Variants in ASXL1 observed in about 807,000 individuals in gnomAD.
ASXL1 encodes ASXL transcriptional regulator 1.
Under a neutral mutation model 89.1 loss-of-function variants are expected in ASXL1, and 65 were observed. The ratio of observed to expected loss-of-function variants is 0.73; its 90% CI spans 0.60 to 0.90. The LOEUF (loss-of-function observed/expected upper bound fraction) is 0.90, where lower values mean the gene tolerates loss of function less well. Among genes scored for constraint, ASXL1 ranks in the 40% least tolerant of loss-of-function variants. The probability of loss-of-function intolerance (pLI) is 0.00; values close to 1 mark genes in which losing one functional copy is unlikely to be tolerated. For missense variants in ASXL1, 1,786 were observed against 1,942.9 expected (o/e 0.92, Z 1.52); for synonymous variants, 739 against 746.9 (o/e 0.99, Z 0.17).
At chr20:32,428,962 G>T (rs553711478) in intron 6 of ASXL1, 1 of 349,744 alleles carries the variant, frequency 2.9e-6, no homozygotes, top group Non-Finnish European at 5.6e-6. Context: ...TGCCTAGCCT[G>T]ATTCTGTTCA....
intron 3 of ASXL1, 109 bp from the exon 4 acceptor site, chr20:32,368,906 T>A (rs942748785): frequency 1.2e-6 from 1 of 825,636 alleles, no homozygotes; most frequent in Non-Finnish European, 1.9e-6. Context: ...TTTTTTCTTC[T>A]GTATTTCTTG....
At chr20:32,391,354 C>T (rs189518048) in intron 4 of ASXL1, among the ~76,000 whole-genome samples, 5 of 152,232 alleles carry the variant, frequency 3.3e-5, no homozygotes, top group Admixed American at 3.3e-4. Flanking sequence ...TCTATGTGGA[C>T]ATACAGTTTC....
rs777135381 is a variant in ASXL1 at position 32,434,908 on chromosome 20, AC to A, written c.2197del (p.Gln733ArgfsTer11). On this transcript the variant is annotated frameshift_variant, in exon 13 of 13. Coordinates refer to ENST00000375687, the MANE Select transcript of ASXL1 (RefSeq NM_015338.6). LOFTEE classifies it low-confidence loss of function (END_TRUNC). ...TGAGAAAGGAGGAAAGCTGCCTACT[AC>A]AGAGGGCTACAGTTGGACTCACAGA... The part of the protein sequence containing the change: ...SLRKEESCLL[Q>X]RATVGLTDGL... 6.2e-7 allele frequency: 1 copy of A among 1,614,170 alleles called. No homozygotes were observed. The highest frequency in any genetic ancestry group is 8.5e-7 in the Non-Finnish European group (1 of 1,180,002).
In ASXL1 at chr20:32,426,549, TCTTTC is replaced by T. The variant is rs1198792364; in HGVS notation, c.253-1578_253-1574del. 4.5e-4 allele frequency among the ~76,000 whole-genome samples: 44 copies of T among 98,570 alleles called. 1 individual carries two copies. The highest frequency in any genetic ancestry group is 2.4e-3 in the East Asian group (5 of 2,046). 64.7% of individuals were successfully genotyped at this position (98,570 alleles called of 152,430 possible). A position where few individuals can be genotyped will look rare whatever the true frequency, so the allele number is the denominator to read the frequency against. On this transcript the variant is annotated intron_variant, in intron 4 of 12. Coordinates refer to ENST00000375687, the MANE Select transcript of ASXL1 (RefSeq NM_015338.6). ...ATGTAGAAAACTGTTTTCTTTTTTTTCTTTCTTTTTTTTTTTTTTTTTTTTTTTTG... is the reference window on the plus strand; with the variant it reads ...ATGTAGAAAACTGTTTTCTTTTTTTTTTTTTTTTTTTTTTTTTTTTTTTTG...
Position 32,386,778 on chromosome 20 carries a change from C to CCT in ASXL1, c.252+17666_252+17667dup, listed in dbSNP as rs201971368. 2.2e-3 allele frequency among the ~76,000 whole-genome samples: 259 copies of CCT among 117,370 alleles called. 1 individual carries two copies. Among genetic ancestry groups the CCT allele is most frequent in the African/African-American group, 6.7e-3 (213 of 32,018 alleles). The allele number at this position is 117,370 out of a possible 152,430, so 77.0% of individuals were successfully genotyped here. Reference sequence around the variant, plus strand: ...TTGATTCCTGATCTTTTGTGTATGACCTCTCTCTCTCTTTTTTTTTTTTTT... The same window carrying CCT: ...TTGATTCCTGATCTTTTGTGTATGACCTCTCTCTCTCTCTTTTTTTTTTTTTT... On this transcript the variant is annotated intron_variant, in intron 4 of 12. Coordinates refer to ENST00000375687, the MANE Select transcript of ASXL1 (RefSeq NM_015338.6).
At position 32,358,725 on chromosome 20, in the gene ASXL1, C is replaced by T; in HGVS notation, c.-51C>T. The T allele has an allele frequency of 8.5e-7, 1 of 1,179,300 alleles. No homozygotes were observed. Among genetic ancestry groups the T allele is most frequent in the Non-Finnish European group, 1.2e-6 (1 of 868,212 alleles). 73.1% of individuals were successfully genotyped at this position (1,179,300 alleles called of 1,614,324 possible). ...CCAGCCCCGCGCCACCGCCCCAGCC[C>T]GCCCAGCCCGGAGGTCCCGCGTGGA... On this transcript the variant is annotated 5_prime_UTR_variant, in exon 1 of 13. Transcript: ENST00000375687.
chr20:32,362,137 T>C (rs567010027), intron 1 of ASXL1, among the ~76,000 whole-genome samples: 1 of 152,278 alleles, frequency 6.6e-6, no homozygotes, highest in South Asian at 2.1e-4. Context: ...ACTGGAGAAT[T>C]TGTGAGAGCG....
intron 4 of ASXL1, among the ~76,000 whole-genome samples, chr20:32,376,808 A>G (rs1046257847): frequency 1.7e-5 from 2 of 120,694 alleles, no homozygotes; most frequent in African/African-American, 5.6e-5. Flanking sequence ...GATATATATA[A>G]TGTATTTTAT....
chr20:32,372,234 C>G, intron 4 of ASXL1: 1 of 1,331,570 alleles, frequency 7.5e-7, no homozygotes, highest in Non-Finnish European at 9.9e-7. Context: ...ATTGTATGAA[C>G]CTGCTGTAAG....
At chr20:32,381,722 G>A (rs940600359) in intron 4 of ASXL1, among the ~76,000 whole-genome samples, 1 of 151,662 alleles carries the variant, frequency 6.6e-6, no homozygotes, top group Non-Finnish European at 1.5e-5. Flanking sequence ...CACCATGTTG[G>A]CCAGGATGGT....
At chr20:32,416,910 C>G (rs757915842) in intron 4 of ASXL1, among the ~76,000 whole-genome samples, 5 of 152,146 alleles carry the variant, frequency 3.3e-5, no homozygotes, top group Non-Finnish European at 7.4e-5. Flanking sequence ...CTTAAAAAGT[C>G]TGTAATTCCT....
At chr20:32,413,641 G>A (rs1177434004) in intron 4 of ASXL1, among the ~76,000 whole-genome samples, 1 of 152,170 alleles carries the variant, frequency 6.6e-6, no homozygotes, top group Admixed American at 6.6e-5. Flanking sequence ...CACGATTGAG[G>A]GGTTTCCCGG....
At position 32,406,833 on chromosome 20, in the gene ASXL1, G is replaced by A. The variant is rs147368302; in HGVS notation, c.253-21295G>A. Among the ~76,000 whole-genome samples the A allele has an allele frequency of 2.2e-4, 34 of 152,002 alleles. No individual in the cohort carries two copies. The East Asian group carries it at 6.0e-3, about 27-fold the overall frequency. On this transcript the variant is annotated intron_variant, in intron 4 of 12. Transcript: ENST00000375687. ...ACTCATCTTGATCTCCAACTCTCAC[G>A]TCATACCACACTCAGATACACACAG...
At position 32,397,250 on chromosome 20, in the gene ASXL1, C is replaced by CTTTTTTTTTTTTTT. The variant is rs71187116; in HGVS notation, c.252+28145_252+28158dup. 5.7e-4 allele frequency among the ~76,000 whole-genome samples: 4 copies of CTTTTTTTTTTTTTT among 6,982 alleles called. 1 individual carries two copies. The highest frequency in any genetic ancestry group is 5.4e-4 in the Non-Finnish European group (2 of 3,692). 4.6% of individuals were successfully genotyped at this position (6,982 alleles called of 152,430 possible). Reference sequence around the variant, plus strand: ...TTGTGGGGTGAGCGACCATGCCTGGCTTTTTTTTTTTTTTTTTTTTTTTTT... The same window carrying CTTTTTTTTTTTTTT: ...TTGTGGGGTGAGCGACCATGCCTGGCTTTTTTTTTTTTTTTTTTTTTTTTTTTTTTTTTTTTTTT... On this transcript the variant is annotated intron_variant, in intron 4 of 12. Coordinates refer to ENST00000375687, the MANE Select transcript of ASXL1 (RefSeq NM_015338.6).
chr20:32,420,605 G>T (rs183395020), intron 4 of ASXL1, among the ~76,000 whole-genome samples: 1 of 152,220 alleles, frequency 6.6e-6, no homozygotes, highest in Non-Finnish European at 1.5e-5. Context: ...AAAGTATACA[G>T]CAAGTCTTCT....
rs774873057 is a variant in ASXL1 at position 32,436,103 on chromosome 20, T to C, written c.3391T>C (p.Ser1131Pro). ...TCCACCAGCCCACGATGACAGCATG[T>C]CAGAATCCCCACAAGTACCACTTAC... ...VLPPAHDDSMSESPQVPLTKD... is the reference protein window; with the variant it reads ...VLPPAHDDSMPESPQVPLTKD... Residue 1131 changes from serine (S) to proline (P), a missense_variant, in exon 13 of 13, where the codon TCA becomes CCA. Physicochemically the swap from Ser to Pro is moderately conservative, Grantham distance 74. Coordinates refer to ENST00000375687, the MANE Select transcript of ASXL1 (RefSeq NM_015338.6). 3.7e-6 allele frequency: 6 copies of C among 1,614,142 alleles called. No homozygotes were observed. The highest frequency in any genetic ancestry group is 5.1e-6 in the Non-Finnish European group (6 of 1,180,020).
rs1323334775 is a variant in ASXL1, at chr20:32,428,347, G to A, written c.396G>A (p.Ser132=). ...ENDVSLDETS[S]NASCSTESQS... is the part of the protein sequence containing the mutation. ...CAGTATCTCTTGATGAAACATCTTC[G>A]AACGCATCCTGTTCTACAGAATCTC... The change falls in exon 6 of 13, where the codon TCG becomes TCA. Residue 132 remains serine (S), a synonymous_variant. Transcript: ENST00000375687. The A allele has an allele frequency of 6.2e-6, 10 of 1,614,042 alleles. No individual in the cohort carries two copies. The highest frequency in any genetic ancestry group is 1.7e-5 in the Admixed American group (1 of 60,020).
chr20:32,371,907 T>C, intron 4 of ASXL1: 1 of 369,028 alleles, frequency 2.7e-6, no homozygotes, highest in Non-Finnish European at 5.2e-6. Context: ...CTCTATTATC[T>C]CATATATAGC....
At position 32,438,213 on chromosome 20, in the gene ASXL1, C is replaced by G. The variant is rs2012039190; in HGVS notation, c.*875C>G. On this transcript the variant is annotated 3_prime_UTR_variant, in exon 13 of 13. Transcript: ENST00000375687. ...GTTTCTTATTTTTATATTTTTAACT[C>G]TTTATTCTTGGATGTATAAAGTGAA... 4.3e-6 allele frequency: 1 copy of G among 233,442 alleles called. No individual in the cohort carries two copies. Among genetic ancestry groups the G allele is most frequent in the East Asian group, 6.0e-5 (1 of 16,548 alleles). The allele number at this position is 233,442 out of a possible 1,614,324, so 14.5% of individuals were successfully genotyped here.
Sources: allele counts gnomAD v4.1 joint callset (sites outside exome capture counted in the v4.1 genomes callset), GRCh38; gene constraint gnomAD v4.1.1; transcripts MANE v1.5; gene names NCBI Gene and HGNC (gene_info 2026-07-23, HGNC 2026-07-21).